The following CSRNP3 variants were observed in gnomAD, a reference collection of about 807,000 sequenced individuals.
CSRNP3 encodes the protein cysteine/serine-rich nuclear protein 3.
CSRNP3 carries 12 observed loss-of-function variants against 48.0 expected under a neutral mutation model. The observed-to-expected ratio is 0.25, with a 90% CI of 0.16 to 0.41. The LOEUF (loss-of-function observed/expected upper bound fraction) is 0.41. Ranked by LOEUF, CSRNP3 falls within the 10% of genes least tolerant of loss-of-function variation. CSRNP3 has a pLI of 1.00. For synonymous variants in CSRNP3, 263 were observed against 269.7 expected, an observed-to-expected ratio of 0.98 and a Z score of 0.24; for missense variants, 580 against 724.4, an observed-to-expected ratio of 0.80 and a Z score of 2.29.
chr2:165,470,712 T>A (rs1197187932), intron 1 of CSRNP3, among the ~76,000 whole-genome samples: 1 of 151,972 alleles, frequency 6.6e-6, no homozygotes, highest in African/African-American at 2.4e-5. Context: ...AAAACTGAAC[T>A]CCCAGTCACT....
intron 4 of CSRNP3, among the ~76,000 whole-genome samples, chr2:165,611,767 GC>G (rs1008765422): frequency 3.9e-5 from 6 of 152,110 alleles, no homozygotes; most frequent in African/African-American, 1.4e-4. Context: ...AAGTTGTGAA[GC>G]CAGATTCAAA....
rs536956536 is a variant in CSRNP3, at chr2:165,662,267, C to A, written c.408+4247C>A. Among the ~76,000 whole-genome samples the A allele has an allele frequency of 7.9e-5, 12 of 151,524 alleles. No individual in the cohort carries two copies. In the East Asian group the frequency reaches 1.9e-3, roughly 24 times the overall value. The stretch of plus-strand genomic sequence containing the variant: ...TTCCAATCAAGTTATGATTTTAGAT[C>A]TATCAAAAAATAATATGTATGTATT... On this transcript the variant is annotated intron_variant, in intron 5 of 6. Transcript: ENST00000651982.
In CSRNP3 at chr2:165,619,634, A is replaced by G. The variant is rs1318515374; in HGVS notation, c.148+24421A>G. Reference sequence around the variant, plus strand: ...AATGGAAGACACTATCAAAAAGTGAAGAATTAGAGGCTCAAATTCTTGCCT... The same window carrying G: ...AATGGAAGACACTATCAAAAAGTGAGGAATTAGAGGCTCAAATTCTTGCCT... On this transcript the variant is annotated intron_variant, in intron 4 of 6. Coordinates refer to ENST00000651982, the MANE Select transcript of CSRNP3 (RefSeq NM_001172173.2). Among the ~76,000 whole-genome samples, 3 of 152,314 alleles carry G rather than the reference A, an allele frequency of 2.0e-5. No individual in the cohort carries two copies. The East Asian group carries it at 5.8e-4, about 29-fold the overall frequency.
intron 1 of CSRNP3, among the ~76,000 whole-genome samples, chr2:165,484,709 A>G (rs914448685): frequency 6.6e-6 from 1 of 152,216 alleles, no homozygotes; most frequent in Non-Finnish European, 1.5e-5. Flanking sequence ...CTTCCCACCT[A>G]TTACTGCAGA....
intron 3 of CSRNP3, among the ~76,000 whole-genome samples, chr2:165,584,449 G>A (rs1407877473): frequency 1.3e-5 from 2 of 152,150 alleles, no homozygotes; most frequent in African/African-American, 4.8e-5. Context: ...AGCAAAGAGA[G>A]GGCCTTCTAA....
chr2:165,520,067 A>G (rs980281123), intron 3 of CSRNP3, among the ~76,000 whole-genome samples: 13 of 152,002 alleles, frequency 8.6e-5, no homozygotes, highest in African/African-American at 3.1e-4. Context: ...CACCAGAAAG[A>G]AAAGATATTA....
At chr2:165,500,674 T>C (rs1574806994) in intron 2 of CSRNP3, among the ~76,000 whole-genome samples, 1 of 152,006 alleles carries the variant, frequency 6.6e-6, no homozygotes, top group South Asian at 2.1e-4. Context: ...GCCAGGCTGG[T>C]CTTGAACTCC....
intron 3 of CSRNP3, among the ~76,000 whole-genome samples, chr2:165,589,271 A>T (rs1685679576): frequency 6.6e-6 from 1 of 152,208 alleles, no homozygotes; most frequent in African/African-American, 2.4e-5. Flanking sequence ...TGTAGGTGAT[A>T]TAGAAGAAAA....
chr2:165,574,390 T>G (rs879828379), intron 3 of CSRNP3: 24 of 1,550,286 alleles, frequency 1.5e-5, no homozygotes, highest in Non-Finnish European at 2.0e-5. Flanking sequence ...AGAGTGAAGA[T>G]TTTACAGCGT....
chr2:165,608,142 A>G (rs1686062901), intron 4 of CSRNP3, among the ~76,000 whole-genome samples: 1 of 151,636 alleles, frequency 6.6e-6, no homozygotes, highest in Non-Finnish European at 1.5e-5. Flanking sequence ...TCCCACAAAA[A>G]TGAAAATCGT....
chr2:165,504,639 T>G (rs554796397), intron 2 of CSRNP3, among the ~76,000 whole-genome samples: 2 of 152,220 alleles, frequency 1.3e-5, no homozygotes, highest in East Asian at 3.9e-4. Flanking sequence ...GTATTATTAA[T>G]TAGAATAAAA....
At chr2:165,530,419 G>T (rs2105243156) in intron 3 of CSRNP3, among the ~76,000 whole-genome samples, 1 of 152,122 alleles carries the variant, frequency 6.6e-6, no homozygotes, top group East Asian at 1.9e-4. Context: ...TCCAGATGAA[G>T]AATGCAGAAA....
chr2:165,678,233 G>A (rs769267266), intron 6 of CSRNP3, among the ~76,000 whole-genome samples: 14 of 152,150 alleles, frequency 9.2e-5, no homozygotes, highest in Non-Finnish European at 1.0e-4. Context: ...AGTTAACATG[G>A]GGTACATCAT....
rs1558968309 is a variant in CSRNP3, at chr2:165,667,049, A to ACAAAG, written c.408+9029_408+9030insCAAAG. ...GAGAGAGGAAGAAAGAAAGAGAGAG[A>ACAAAG]GAAAGGAAGGAAGGAAGGAAAGAGA... On this transcript the variant is annotated intron_variant, in intron 5 of 6. Coordinates refer to ENST00000651982, the MANE Select transcript of CSRNP3 (RefSeq NM_001172173.2). Among the ~76,000 whole-genome samples the ACAAAG allele has an allele frequency of 1.4e-3, 12 of 8,444 alleles. 2 individuals are homozygous for ACAAAG. Among genetic ancestry groups the ACAAAG allele is most frequent in the African/African-American group, 4.3e-3 (12 of 2,806 alleles). 5.5% of individuals were successfully genotyped at this position (8,444 alleles called of 152,430 possible).
At chr2:165,533,276 A>C (rs1263762183) in intron 3 of CSRNP3, among the ~76,000 whole-genome samples, 1 of 152,098 alleles carries the variant, frequency 6.6e-6, no homozygotes, top group African/African-American at 2.4e-5. Context: ...AAAATATGGC[A>C]TGAATAACAG....
chr2:165,552,511 G>A (rs907951460), intron 3 of CSRNP3, among the ~76,000 whole-genome samples: 1 of 152,190 alleles, frequency 6.6e-6, no homozygotes, highest in African/African-American at 2.4e-5. Context: ...CCATGAACCA[G>A]GTATCTGATC....
chr2:165,481,104 C>T (rs1193863748), intron 1 of CSRNP3, among the ~76,000 whole-genome samples: 5 of 151,970 alleles, frequency 3.3e-5, no homozygotes, highest in Admixed American at 2.0e-4. Flanking sequence ...AATATCATGG[C>T]CTAGTTATTC....
intron 2 of CSRNP3, among the ~76,000 whole-genome samples, chr2:165,496,921 T>C (rs1381310374): frequency 6.6e-6 from 1 of 152,048 alleles, no homozygotes; most frequent in East Asian, 1.9e-4. Context: ...CTATAGCTTG[T>C]AAGTTCACAA....
intron 3 of CSRNP3, among the ~76,000 whole-genome samples, chr2:165,540,976 T>G (rs987331060): frequency 6.6e-6 from 1 of 152,092 alleles, no homozygotes; most frequent in Non-Finnish European, 1.5e-5. Flanking sequence ...GGCGGGGTTT[T>G]CTCTGAAGAG....
Sources: allele counts gnomAD v4.1 joint callset (sites outside exome capture counted in the v4.1 genomes callset), GRCh38; gene constraint gnomAD v4.1.1; transcripts MANE v1.5; gene names NCBI Gene and HGNC (gene_info 2026-07-23, HGNC 2026-07-21).